Variants in HUNK observed in about 807,000 individuals in gnomAD.
The protein encoded by HUNK is hormonally up-regulated neu tumor-associated kinase.
Under a neutral mutation model 61.0 loss-of-function variants are expected in HUNK, and 21 were observed. The observed-to-expected ratio is 0.34, with a 90% CI of 0.24 to 0.50. The LOEUF is 0.50. Ranked by LOEUF, HUNK falls within the 20% of genes least tolerant of loss-of-function variation. HUNK has a pLI of 0.98. For missense variants in HUNK, 772 were observed against 945.7 expected (o/e 0.82, Z 2.41); for synonymous variants, 371 against 386.1 (o/e 0.96, Z 0.46).
rs189124189 is a variant in HUNK, at chr21:32,002,573, G to C, written c.*3389G>C. 6.6e-6 allele frequency: 1 copy of C among 152,194 alleles called. No individual in the cohort carries two copies. The highest frequency in any genetic ancestry group is 6.5e-5 in the Admixed American group (1 of 15,268). 9.4% of individuals were successfully genotyped at this position (152,194 alleles called of 1,614,324 possible). ...CAACCTTTTTCATTTGGGGATATTA[G>C]GATCTTCCTTGGAGACTCTGAAAAT... On this transcript the variant is annotated 3_prime_UTR_variant, in exon 11 of 11. Coordinates refer to ENST00000270112, the MANE Select transcript of HUNK (RefSeq NM_014586.2).
chr21:31,873,729 G>A lies in HUNK; in HGVS notation c.55G>A (p.Gly19Ser). Residue 19 changes from glycine (G) to serine (S), a missense_variant, in exon 1 of 11, where the codon GGC (glycine) becomes AGC (serine). Physicochemically the swap from Gly to Ser is moderately conservative, Grantham distance 56. This residue lies in a region of HUNK where 359 missense variants were observed against 501.3 expected (regional missense o/e 0.72). Transcript: ENST00000270112. The surrounding 1 kb of genome is among the most constrained non-coding windows in gnomAD (Gnocchi z 6.1). ...GGGGGAGCCGGCGGCGCCTGGGGGC[G>A]GCGGCGGCGCGGAGGACGCGGCCAG... ...LLGEPAAPGG[G>S]GGAEDAARPA... The A allele has an allele frequency of 8.1e-7, 1 of 1,232,948 alleles. No homozygotes were observed. Among genetic ancestry groups the A allele is most frequent in the Non-Finnish European group, 1.0e-6 (1 of 988,510 alleles). The allele number at this position is 1,232,948 out of a possible 1,614,324, so 76.4% of individuals were successfully genotyped here. A position where few individuals can be genotyped will look rare whatever the true frequency, so the allele number is the denominator to read the frequency against.
chr21:31,998,744 G>A lies in HUNK; in HGVS notation c.1705G>A (p.Asp569Asn), dbSNP rs758238363. The A allele has an allele frequency of 6.8e-6, 11 of 1,613,930 alleles. No individual in the cohort carries two copies. The highest frequency in any genetic ancestry group is 4.5e-5 in the East Asian group (2 of 44,860). Residue 569 changes from aspartate to asparagine, a missense_variant, in exon 11 of 11, where the codon GAC (aspartate) becomes AAC (asparagine). Physicochemically the swap from Asp to Asn is conservative, Grantham distance 23. Transcript: ENST00000270112. Reference protein sequence around the residue: ...VRSFESVDRDDHVEVLSPSHH... With the variant: ...VRSFESVDRDNHVEVLSPSHH... Reference sequence around the variant, plus strand: ...CTCCTTCGAGTCTGTGGATCGCGACGACCACGTAGAAGTGCTGTCTCCCTC... The same window carrying A: ...CTCCTTCGAGTCTGTGGATCGCGACAACCACGTAGAAGTGCTGTCTCCCTC...
intron 1 of HUNK, among the ~76,000 whole-genome samples, chr21:31,897,512 A>G (rs933118376): frequency 6.6e-6 from 1 of 152,274 alleles, no homozygotes; most frequent in East Asian, 1.9e-4. Flanking sequence ...TTTCCATTTA[A>G]TAAAGACACA....
chr21:31,982,508 A>G (rs1167235146), intron 7 of HUNK, among the ~76,000 whole-genome samples: 1 of 152,236 alleles, frequency 6.6e-6, no homozygotes, highest in African/African-American at 2.4e-5. Flanking sequence ...CTTAATTGTC[A>G]TCTCTTCCCT....
At chr21:31,953,703 G>A (rs1445861766) in intron 4 of HUNK, among the ~76,000 whole-genome samples, 1 of 152,118 alleles carries the variant, frequency 6.6e-6, no homozygotes, top group Non-Finnish European at 1.5e-5. Context: ...AGCCTCATAC[G>A]ATCTGAGAGG....
chr21:31,933,832 C>T (rs1301894638), intron 2 of HUNK, among the ~76,000 whole-genome samples: 1 of 151,236 alleles, frequency 6.6e-6, no homozygotes, highest in Non-Finnish European at 1.5e-5. Flanking sequence ...TTATATGCCA[C>T]AGGGGGAGCT....
chr21:31,906,387 A>G (rs576471970), intron 1 of HUNK, among the ~76,000 whole-genome samples: 1 of 152,226 alleles, frequency 6.6e-6, no homozygotes, highest in Non-Finnish European at 1.5e-5. Flanking sequence ...GAGAAAACAG[A>G]GCATTTCTTC....
intron 5 of HUNK, among the ~76,000 whole-genome samples, chr21:31,962,177 C>T (rs567715929): frequency 7.2e-5 from 11 of 152,298 alleles, no homozygotes; most frequent in Admixed American, 5.9e-4. Flanking sequence ...ACATGGCATG[C>T]GGCTTCACCC....
Position 32,000,735 on chromosome 21 carries a change from G to A in HUNK, c.*1551G>A, listed in dbSNP as rs1024079043. On this transcript the variant is annotated 3_prime_UTR_variant, in exon 11 of 11. Coordinates refer to ENST00000270112, the MANE Select transcript of HUNK (RefSeq NM_014586.2). The stretch of plus-strand genomic sequence containing the variant: ...CCCTGGCAGGCAGCCTTGCCAGAAG[G>A]CAGAGAGGCAGTTCTGAATCATTCT... 1 of 398,546 alleles carries A rather than the reference G, an allele frequency of 2.5e-6. No individual in the cohort carries two copies. The highest frequency in any genetic ancestry group is 4.4e-6 in the Non-Finnish European group (1 of 226,112). 24.7% of individuals were successfully genotyped at this position (398,546 alleles called of 1,614,324 possible).
intron 1 of HUNK, among the ~76,000 whole-genome samples, chr21:31,897,195 G>A (rs1232972500): frequency 6.6e-6 from 1 of 151,104 alleles, no homozygotes; most frequent in East Asian, 2.0e-4. Context: ...GCGGTGAGCC[G>A]AGATCACACC....
At position 31,897,289 on chromosome 21, in the gene HUNK, G is replaced by A. The variant is rs1417553207; in HGVS notation, c.261+23354G>A. Among the ~76,000 whole-genome samples the A allele has an allele frequency of 2.0e-5, 3 of 152,074 alleles. No homozygotes were observed. The East Asian group carries it at 5.8e-4, about 29-fold the overall frequency. ...AAATTAGCAACAACAACAAAAAACT[G>A]TGTGGCTTCAACAATGGAAATTTAT... On this transcript the variant is annotated intron_variant, in intron 1 of 10. Transcript: ENST00000270112.
At chr21:31,937,280 T>C (rs920463983) in intron 2 of HUNK, among the ~76,000 whole-genome samples, 7 of 152,170 alleles carry the variant, frequency 4.6e-5, no homozygotes, top group African/African-American at 1.7e-4. Context: ...ACATAAACCT[T>C]TATTTGGCTC....
chr21:31,941,339 C>G (rs933791202), intron 3 of HUNK, among the ~76,000 whole-genome samples: 3 of 151,366 alleles, frequency 2.0e-5, no homozygotes, highest in African/African-American at 7.3e-5. Context: ...TGGAGTCTCC[C>G]TCTGTTGCCC....
chr21:31,997,150 T>C (rs933192508), intron 10 of HUNK, among the ~76,000 whole-genome samples: 3 of 152,150 alleles, frequency 2.0e-5, no homozygotes, highest in Non-Finnish European at 4.4e-5. Flanking sequence ...CTATAAAACG[T>C]TATGGGAGAA....
chr21:31,919,094 GAGGAGGGGC>G (rs1374266492), intron 1 of HUNK, among the ~76,000 whole-genome samples: 20 of 105,986 alleles, frequency 1.9e-4, no homozygotes, highest in African/African-American at 9.7e-4. Context: ...GCGGTATGAG[GAGGAGGGGC>G]TGGACTGAGC....
intron 1 of HUNK, among the ~76,000 whole-genome samples, chr21:31,921,979 G>T (rs1307127985): frequency 1.3e-5 from 2 of 151,920 alleles, no homozygotes; most frequent in Non-Finnish European, 2.9e-5. Context: ...TATCAGTTTT[G>T]TGTGTGTCTT....
intron 6 of HUNK, among the ~76,000 whole-genome samples, chr21:31,971,538 G>T (rs1406221381): frequency 6.6e-6 from 1 of 152,114 alleles, no homozygotes; most frequent in Non-Finnish European, 1.5e-5. Flanking sequence ...CAGAGAAAGG[G>T]ATATTTTCTT....
intron 1 of HUNK, among the ~76,000 whole-genome samples, chr21:31,889,873 C>G (rs2052373951): frequency 6.6e-6 from 1 of 152,142 alleles, no homozygotes; most frequent in East Asian, 1.9e-4. Context: ...TTCCAGTGTT[C>G]AGACTTAGAA....
In HUNK at chr21:31,995,865, C is replaced by T. The variant is rs754218827; in HGVS notation, c.1403C>T (p.Ser468Leu). ...DKNLPSHKQP[S>L]GSLMTQIQNT... ...AACCTGCCCTCGCACAAACAGCCCT[C>T]AGGCTCGCTTATGACACAGATTCAG... is the stretch of plus-strand genomic sequence containing the variant. Residue 468 changes from serine to leucine, a missense_variant, in exon 10 of 11, where the codon TCA becomes TTA. Physicochemically the swap from Ser to Leu is moderately radical, Grantham distance 145. Transcript: ENST00000270112. 1.2e-6 allele frequency: 2 copies of T among 1,614,066 alleles called. No homozygotes were observed. Among genetic ancestry groups the T allele is most frequent in the African/African-American group, 2.7e-5 (2 of 75,052 alleles).
Sources: allele counts gnomAD v4.1 joint callset (sites outside exome capture counted in the v4.1 genomes callset), GRCh38; gene constraint gnomAD v4.1.1; regional missense constraint gnomAD v4.1.1; non-coding constraint Gnocchi (gnomAD v3.1); transcripts MANE v1.5; gene names NCBI Gene and HGNC (gene_info 2026-07-23, HGNC 2026-07-21).